The following SPATA17 variants were observed in gnomAD, a reference collection of about 807,000 sequenced individuals.
SPATA17 encodes the protein spermatogenesis associated 17, also known as spermatogenesis-associated protein 17.
A neutral mutation model predicts 62.2 loss-of-function variants in SPATA17; 53 were observed. The ratio of observed to expected loss-of-function variants is 0.85; its 90% CI spans 0.68 to 1.07. The LOEUF is 1.07. Ranked by LOEUF, SPATA17 falls within the 50% of genes least tolerant of loss-of-function variation. The pLI, the probability that SPATA17 is intolerant of heterozygous loss-of-function variation, is 0.00. For missense variants in SPATA17, 466 were observed against 425.5 expected, an observed-to-expected ratio of 1.10 and a Z score of -0.84; for synonymous variants, 146 against 146.8, an observed-to-expected ratio of 0.99 and a Z score of 0.04.
intron 9 of SPATA17, among the ~76,000 whole-genome samples, chr1:217,819,419 TTCTC>T (rs953452767): frequency 5.9e-5 from 9 of 151,938 alleles, no homozygotes; most frequent in African/African-American, 9.7e-5. Context: ...AGGTGCATCT[TTCTC>T]TCTCTATCTC....
chr1:217,806,215 C>T (rs769066740), intron 9 of SPATA17, among the ~76,000 whole-genome samples: 2 of 152,230 alleles, frequency 1.3e-5, no homozygotes, highest in Non-Finnish European at 2.9e-5. Context: ...CAATATTTTG[C>T]TCTCCAGTTC....
chr1:217,845,305 C>G (rs1395765779), intron 9 of SPATA17, among the ~76,000 whole-genome samples: 2 of 152,090 alleles, frequency 1.3e-5, no homozygotes, highest in African/African-American at 2.4e-5. Context: ...TAGATGCATT[C>G]ACTATTTGCC....
At chr1:217,722,529 A>G (rs995173136) in intron 5 of SPATA17, among the ~76,000 whole-genome samples, 4 of 152,188 alleles carry the variant, frequency 2.6e-5, no homozygotes, top group African/African-American at 9.6e-5. Flanking sequence ...TTTCAAAATC[A>G]TACCAGACAA....
rs947159033 is a variant in SPATA17, at chr1:217,869,452, C to A, written c.*2433C>A. On this transcript the variant is annotated 3_prime_UTR_variant, in exon 11 of 11. Coordinates refer to ENST00000366933, the MANE Select transcript of SPATA17 (RefSeq NM_138796.4). ...AGGTGTCAGACTCTTAGTAAATTAT[C>A]TCCTGGATCAGTGAAAAGATGTGAA... 1.3e-5 allele frequency: 2 copies of A among 152,136 alleles called. No individual in the cohort carries two copies. Among genetic ancestry groups the A allele is most frequent in the African/African-American group, 4.8e-5 (2 of 41,436 alleles). The allele number at this position is 152,136 out of a possible 1,614,324, so 9.4% of individuals were successfully genotyped here.
intron 9 of SPATA17, among the ~76,000 whole-genome samples, chr1:217,837,715 G>A (rs1261442556): frequency 2.0e-5 from 3 of 151,934 alleles, no homozygotes; most frequent in Non-Finnish European, 4.4e-5. Context: ...TATTTCTTAA[G>A]TCTTACATTA....
intron 3 of SPATA17, among the ~76,000 whole-genome samples, chr1:217,653,910 A>G (rs1163225855): frequency 6.6e-6 from 1 of 152,190 alleles, no homozygotes; most frequent in Non-Finnish European, 1.5e-5. Context: ...AACTTAATTT[A>G]TACCATTTTA....
At chr1:217,642,758 C>G (rs1050780842) in intron 1 of SPATA17, among the ~76,000 whole-genome samples, 3 of 151,476 alleles carry the variant, frequency 2.0e-5, no homozygotes, top group African/African-American at 7.4e-5. Flanking sequence ...GCTTCTTCTT[C>G]CACCATGATT....
chr1:217,783,629 C>A (rs996101845), intron 8 of SPATA17, among the ~76,000 whole-genome samples: 2 of 151,984 alleles, frequency 1.3e-5, no homozygotes, highest in African/African-American at 4.8e-5. Flanking sequence ...TTATATTACT[C>A]AGAATTCTTT....
At chr1:217,828,734 A>G (rs947255205) in intron 9 of SPATA17, among the ~76,000 whole-genome samples, 2 of 152,086 alleles carry the variant, frequency 1.3e-5, no homozygotes, top group African/African-American at 4.8e-5. Flanking sequence ...TATAAAGAAC[A>G]TTTACAACTC....
At chr1:217,756,613 T>C (rs1173098837) in intron 6 of SPATA17, among the ~76,000 whole-genome samples, 2 of 152,178 alleles carry the variant, frequency 1.3e-5, no homozygotes. Flanking sequence ...ATATTCAACA[T>C]TATTAGCCTT....
chr1:217,811,673 AC>A (rs2102992321), intron 9 of SPATA17, among the ~76,000 whole-genome samples: 1 of 149,050 alleles, frequency 6.7e-6, no homozygotes, highest in East Asian at 2.0e-4. Context: ...AGCCTGGGCA[AC>A]AGAGTGAGAC....
chr1:217,804,532 A>G (rs559324081), intron 9 of SPATA17, among the ~76,000 whole-genome samples: 2 of 152,374 alleles, frequency 1.3e-5, no homozygotes, highest in African/African-American at 4.8e-5. Flanking sequence ...AAGCAAAAAT[A>G]GACAAATAGA....
chr1:217,871,475 G>T lies in SPATA17; in HGVS notation c.*4456G>T, dbSNP rs1004511792. On this transcript the variant is annotated 3_prime_UTR_variant, in exon 11 of 11. Transcript: ENST00000366933. ...GCTCAAAGCCTTTTAGGAACAATAA[G>T]TTACTGAATTATATGAACCTATTTG... The T allele has an allele frequency of 6.6e-6, 1 of 151,906 alleles. No homozygotes were observed. The highest frequency in any genetic ancestry group is 1.9e-4 in the East Asian group (1 of 5,180). 9.4% of individuals were successfully genotyped at this position (151,906 alleles called of 1,614,324 possible).
chr1:217,817,319 T>A (rs1228526990), intron 9 of SPATA17, among the ~76,000 whole-genome samples: 2 of 151,994 alleles, frequency 1.3e-5, no homozygotes, highest in Non-Finnish European at 2.9e-5. Flanking sequence ...GGGGTCAGTT[T>A]CCCCCATGCT....
intron 3 of SPATA17, among the ~76,000 whole-genome samples, chr1:217,661,530 T>C (rs997883037): frequency 1.3e-5 from 2 of 152,172 alleles, no homozygotes; most frequent in East Asian, 1.9e-4. Flanking sequence ...TAACCCACAA[T>C]AATAGAGCTA....
rs375065345 is a variant in SPATA17 at position 217,782,335 on chromosome 1, C to G, written c.872+13C>G. 2.5e-6 allele frequency: 4 copies of G among 1,578,252 alleles called. No individual in the cohort carries two copies. In the South Asian group the frequency reaches 3.5e-5, roughly 14 times the overall value. On this transcript the variant is annotated intron_variant, in intron 8 of 10. Coordinates refer to ENST00000366933, the MANE Select transcript of SPATA17 (RefSeq NM_138796.4). ...TAAATGACAATATGTGAGTTCTTAGCTTAACAAAAATAGCTGTGACATATT... is the reference window on the plus strand; with the variant it reads ...TAAATGACAATATGTGAGTTCTTAGGTTAACAAAAATAGCTGTGACATATT...
At chr1:217,771,608 A>G (rs1673448190) in intron 6 of SPATA17, among the ~76,000 whole-genome samples, 1 of 152,218 alleles carries the variant, frequency 6.6e-6, no homozygotes, top group Non-Finnish European at 1.5e-5. Context: ...TTTTATTGAC[A>G]TAACTTAGCA....
At chr1:217,749,985 C>CTCTCTCTCTGTATATA in intron 6 of SPATA17, among the ~76,000 whole-genome samples, 1 of 12,316 alleles carries the variant, frequency 8.1e-5, no homozygotes, top group African/African-American at 3.0e-4. Flanking sequence ...CTCTCTCTCT[C>CTCTCTCTCTGTATATA]TATATATATA....
intron 9 of SPATA17, among the ~76,000 whole-genome samples, chr1:217,821,509 G>T (rs1674861850): frequency 6.6e-6 from 1 of 152,018 alleles, no homozygotes; most frequent in African/African-American, 2.4e-5. Flanking sequence ...GCAAAATGAA[G>T]GTCACTGGTT....
Sources: allele counts gnomAD v4.1 joint callset (sites outside exome capture counted in the v4.1 genomes callset), GRCh38; gene constraint gnomAD v4.1.1; transcripts MANE v1.5; gene names NCBI Gene and HGNC (gene_info 2026-07-23, HGNC 2026-07-21).